Variants in XRN1 observed in about 807,000 individuals in gnomAD.
XRN1 encodes the protein strand-exchange protein 1 homolog.
A neutral mutation model predicts 222.3 loss-of-function variants in XRN1; 67 were observed. That is an observed-to-expected ratio of 0.30 (90% CI 0.25 to 0.37). The LOEUF (loss-of-function observed/expected upper bound fraction) is 0.37. Ranked by LOEUF, XRN1 falls within the 10% of genes least tolerant of loss-of-function variation. The pLI is 1.00. For synonymous variants in XRN1, 643 were observed against 652.4 expected, an observed-to-expected ratio of 0.99 and a Z score of 0.22; for missense variants, 1,707 against 2,000.2, an observed-to-expected ratio of 0.85 and a Z score of 2.80.
intron 1 of XRN1, 132 bp from the exon 2 acceptor site, chr3:142,433,025 A>G (rs2069697708): frequency 1.5e-6 from 1 of 685,172 alleles, no homozygotes. Context: ...AACTGAGTAA[A>G]CAATCACAGA....
intron 2 of XRN1, among the ~76,000 whole-genome samples, chr3:142,430,307 A>G (rs191917819): frequency 2.6e-5 from 4 of 152,274 alleles, no homozygotes; most frequent in Non-Finnish European, 5.9e-5. Context: ...AGTGCTTTCT[A>G]TCACCTGCAA....
intron 32 of XRN1, among the ~76,000 whole-genome samples, chr3:142,349,777 T>C (rs1419744586): frequency 3.3e-5 from 5 of 152,276 alleles, no homozygotes; most frequent in Non-Finnish European, 5.9e-5. Flanking sequence ...GCGTTATACT[T>C]GGGATCTCAT....
At chr3:142,338,620 G>T (rs2065908771) in intron 33 of XRN1, among the ~76,000 whole-genome samples, 1 of 152,176 alleles carries the variant, frequency 6.6e-6, no homozygotes, top group African/African-American at 2.4e-5. Context: ...TACCAGCTCT[G>T]CCAAGTGGGA....
chr3:142,414,500 T>C (rs1406972724), intron 13 of XRN1, among the ~76,000 whole-genome samples: 1 of 151,452 alleles, frequency 6.6e-6, no homozygotes, highest in Non-Finnish European at 1.5e-5. Context: ...TTCCTGAATT[T>C]TTTTTTTTTT....
chr3:142,387,895 GCTT>G (rs2067568908), intron 20 of XRN1, among the ~76,000 whole-genome samples: 1 of 152,030 alleles, frequency 6.6e-6, no homozygotes, highest in South Asian at 2.1e-4. Context: ...CCCCTCTCTT[GCTT>G]CTTTTCTTGC....
At chr3:142,379,993 GAAAT>G (rs1300728424) in intron 23 of XRN1, 85 bp downstream of exon 23, 3 of 941,996 alleles carry the variant, frequency 3.2e-6, no homozygotes, top group Non-Finnish European at 4.7e-6. Context: ...TAAAATATCT[GAAAT>G]AAATTCAAAG....
chr3:142,323,222 CAGATTCCACACTGCA>C (rs908320979), intron 37 of XRN1, among the ~76,000 whole-genome samples: 12 of 151,634 alleles, frequency 7.9e-5, no homozygotes, highest in East Asian at 1.9e-4. Context: ...GATAAGGTTT[CAGATTCCACACTGCA>C]AGATTCCACA....
chr3:142,375,977 C>CACAT, intron 24 of XRN1, 33 bp from the exon 25 acceptor site: 3 of 1,330,480 alleles, frequency 2.3e-6, no homozygotes, highest in Non-Finnish European at 3.0e-6. Flanking sequence ...CACACGTGCA[C>CACAT]ACACACACAC....
intron 32 of XRN1, among the ~76,000 whole-genome samples, chr3:142,349,500 G>C (rs762144645): frequency 2.0e-5 from 3 of 151,668 alleles, no homozygotes; most frequent in South Asian, 4.2e-4. Context: ...AAAATAAATA[G>C]TAAATAATAT....
At chr3:142,406,765 C>G (rs2068358348) in intron 15 of XRN1, among the ~76,000 whole-genome samples, 1 of 151,910 alleles carries the variant, frequency 6.6e-6, no homozygotes, top group Non-Finnish European at 1.5e-5. Flanking sequence ...TGGGCTCAGG[C>G]AATCCTCCCA....
rs375872750 is a variant in XRN1, at chr3:142,379,925, CCA to C, written c.2715+155_2715+156del. Among the ~76,000 whole-genome samples, 1,433 of 152,156 alleles carry C rather than the reference CCA, an allele frequency of 9.4e-3. 22 individuals carry two copies. The highest frequency in any genetic ancestry group is 0.033 in the African/African-American group (1,356 of 41,496). Reference sequence around the variant, plus strand: ...CTACATGAAGTTTTGAGCACAGATTCCACACTTATTTTTAAATACCAGATGCA... The same window carrying C: ...CTACATGAAGTTTTGAGCACAGATTCCACTTATTTTTAAATACCAGATGCA... On this transcript the variant is annotated intron_variant, in intron 23 of 40. Transcript: ENST00000392981.
intron 14 of XRN1, 75 bp downstream of exon 14, chr3:142,414,060 T>C (rs1173201594): frequency 7.3e-7 from 1 of 1,371,250 alleles, no homozygotes; most frequent in African/African-American, 1.5e-5. Context: ...AATTTGAGTA[T>C]TATTGTTTCT....
chr3:142,391,427 T>G (rs1264254612), intron 20 of XRN1, among the ~76,000 whole-genome samples: 1 of 152,184 alleles, frequency 6.6e-6, no homozygotes, highest in Non-Finnish European at 1.5e-5. Context: ...TCAGTGTTGT[T>G]GTCTGTTTTA....
chr3:142,420,981 TAAAAC>T, intron 10 of XRN1, 30 bp downstream of exon 10: 1 of 1,611,648 alleles, frequency 6.2e-7, no homozygotes, highest in Non-Finnish European at 8.5e-7. Flanking sequence ...CCTTTACAGT[TAAAAC>T]AATGAAAGGA....
Position 142,405,051 on chromosome 3 carries a change from GTC to G in XRN1, c.1737_1738del (p.Glu579AspfsTer3). ...TTCCTTTTTGAGGGAGTGGTTACAT[GTC>G]TCCATGGCTTCCAATAATCGCTTCT... On this transcript the variant is annotated frameshift_variant, in exon 16 of 41. Coordinates refer to ENST00000392981, the MANE Select transcript of XRN1 (RefSeq NM_001282857.2). LOFTEE classifies it high-confidence loss of function. 6.2e-7 allele frequency: 1 copy of G among 1,613,930 alleles called. No homozygotes were observed. The highest frequency in any genetic ancestry group is 8.5e-7 in the Non-Finnish European group (1 of 1,179,880).
intron 1 of XRN1, among the ~76,000 whole-genome samples, chr3:142,443,649 A>G (rs1021248995): frequency 6.6e-6 from 1 of 152,236 alleles, no homozygotes; most frequent in African/African-American, 2.4e-5. Flanking sequence ...AAATCTTGCA[A>G]CTGCAAAAAC....
chr3:142,319,288 G>A (rs978113608), intron 37 of XRN1, among the ~76,000 whole-genome samples: 1 of 152,026 alleles, frequency 6.6e-6, no homozygotes, highest in African/African-American at 2.4e-5. Flanking sequence ...CTGTGATAGA[G>A]ACTATCTGGC....
intron 2 of XRN1, among the ~76,000 whole-genome samples, chr3:142,429,430 G>A (rs948595560): frequency 1.3e-5 from 2 of 152,128 alleles, no homozygotes; most frequent in African/African-American, 2.4e-5. Context: ...TTACAGGTGC[G>A]AGCCACCACG....
intron 22 of XRN1, 52 bp from the exon 23 acceptor site, chr3:142,380,232 T>C: frequency 6.9e-7 from 1 of 1,455,840 alleles, no homozygotes; most frequent in Non-Finnish European, 9.5e-7. Context: ...ATTTTATTTT[T>C]TAACTTATTT....
Sources: gnomAD v4.1 joint callset for allele counts (sites outside exome capture counted in the v4.1 genomes callset) on GRCh38, gnomAD v4.1.1 for gene constraint, MANE v1.5 for transcripts, NCBI Gene and HGNC (gene_info 2026-07-23, HGNC 2026-07-21) for gene names.